The following LUZP2 variants were observed in gnomAD, a reference collection of about 807,000 sequenced individuals.
LUZP2 encodes the protein leucine zipper protein 2.
In LUZP2, 52 loss-of-function variants were observed where a neutral mutation model predicts 51.6. The ratio of observed to expected loss-of-function variants is 1.01; its 90% CI spans 0.81 to 1.27. The LOEUF is 1.27. Ranked by LOEUF, LUZP2 falls within the 50% of genes most tolerant of loss-of-function variation. The pLI, the probability that LUZP2 is intolerant of heterozygous loss-of-function variation, is 0.00. For missense variants in LUZP2, 436 were observed against 395.4 expected (o/e 1.10, Z -0.87); for synonymous variants, 154 against 137.3 (o/e 1.12, Z -0.85).
chr11:24,560,335 A>C (rs973379532), intron 1 of LUZP2, among the ~76,000 whole-genome samples: 1 of 152,204 alleles, frequency 6.6e-6, no homozygotes, highest in African/African-American at 2.4e-5. Flanking sequence ...CTTTTAAAAC[A>C]TATTGTATAA....
chr11:25,035,359 A>G (rs1172113410), intron 9 of LUZP2, among the ~76,000 whole-genome samples: 1 of 152,180 alleles, frequency 6.6e-6, no homozygotes, highest in Non-Finnish European at 1.5e-5. Context: ...AAATCAATGT[A>G]CGAAAATCAG....
Position 24,557,158 on chromosome 11 carries a change from T to A in LUZP2, c.62+59853T>A, listed in dbSNP as rs146174401. 4.5e-3 allele frequency among the ~76,000 whole-genome samples: 671 copies of A among 150,120 alleles called. 5 individuals are homozygous for A. Among genetic ancestry groups the A allele is most frequent in the African/African-American group, 0.015 (604 of 41,374 alleles). On this transcript the variant is annotated intron_variant, in intron 1 of 11. Transcript: ENST00000336930. ...CCATTGTGTTATAGCTGATGACTTGTCTTTATTTGCCTTCACACTGCAGGT... is the reference window on the plus strand; with the variant it reads ...CCATTGTGTTATAGCTGATGACTTGACTTTATTTGCCTTCACACTGCAGGT...
rs575500558 is a variant in LUZP2, at chr11:24,823,802, A to C, written c.396+60494A>C. 2.6e-5 allele frequency among the ~76,000 whole-genome samples: 4 copies of C among 152,214 alleles called. No homozygotes were observed. The East Asian group carries it at 7.7e-4, about 29-fold the overall frequency. ...GGTACGGCCAGGCATGGTGGTTCAC[A>C]CCTGTAATCCGAGCACTTTGGGAGG... is the stretch of plus-strand genomic sequence containing the variant. On this transcript the variant is annotated intron_variant, in intron 5 of 11. Coordinates refer to ENST00000336930, the MANE Select transcript of LUZP2 (RefSeq NM_001009909.4).
intron 7 of LUZP2, among the ~76,000 whole-genome samples, chr11:24,964,728 G>A (rs1329451851): frequency 6.6e-6 from 1 of 151,858 alleles, no homozygotes; most frequent in Admixed American, 6.6e-5. Context: ...ATAGAATTTT[G>A]TCCTTATGAA....
At chr11:24,892,315 T>C (rs1852884547) in intron 5 of LUZP2, 1 of 985,440 alleles carries the variant, frequency 1.0e-6, no homozygotes, top group South Asian at 4.7e-5. Flanking sequence ...GCTGAAGTTC[T>C]CTGTCTGGCC....
intron 1 of LUZP2, among the ~76,000 whole-genome samples, chr11:24,574,216 CTTTCTTTCTTT>C (rs1852542224): frequency 2.4e-5 from 2 of 81,854 alleles, no homozygotes; most frequent in African/African-American, 7.9e-5. Context: ...TCCTTCCTTT[CTTTCTTTCTTT>C]CTTTCTTTCT....
At chr11:24,941,355 G>T (rs1411515886) in intron 7 of LUZP2, among the ~76,000 whole-genome samples, 1 of 151,966 alleles carries the variant, frequency 6.6e-6, no homozygotes, top group African/African-American at 2.4e-5. Flanking sequence ...TCTTTAATGT[G>T]TCCATTTAGA....
intron 1 of LUZP2, among the ~76,000 whole-genome samples, chr11:24,720,760 G>A (rs914655978): frequency 6.6e-6 from 1 of 152,106 alleles, no homozygotes; most frequent in Non-Finnish European, 1.5e-5. Context: ...GTGCAGTGGC[G>A]CGATCTCGGC....
intron 5 of LUZP2, among the ~76,000 whole-genome samples, chr11:24,850,952 A>C (rs1219066247): frequency 6.6e-6 from 1 of 152,170 alleles, no homozygotes; most frequent in Admixed American, 6.5e-5. Flanking sequence ...TGGTTTTTGC[A>C]CATTGACTTT....
intron 5 of LUZP2, chr11:24,890,914 T>TTTTTA: frequency 1.0e-6 from 1 of 964,014 alleles, no homozygotes. Flanking sequence ...TTTTTTTTTT[T>TTTTTA]GCAGGTGATA....
At chr11:24,969,176 A>G (rs1473780388) in intron 7 of LUZP2, among the ~76,000 whole-genome samples, 1 of 152,018 alleles carries the variant, frequency 6.6e-6, no homozygotes, top group Non-Finnish European at 1.5e-5. Context: ...TGCCCACTCA[A>G]GTAGACTCTA....
chr11:24,666,649 T>G (rs1008519138), intron 1 of LUZP2, among the ~76,000 whole-genome samples: 1 of 152,182 alleles, frequency 6.6e-6, no homozygotes, highest in Non-Finnish European at 1.5e-5. Flanking sequence ...AATTGGATCT[T>G]TTTTCTCACC....
intron 5 of LUZP2, among the ~76,000 whole-genome samples, chr11:24,794,778 T>A (rs1322435398): frequency 6.6e-6 from 1 of 152,088 alleles, no homozygotes; most frequent in African/African-American, 2.4e-5. Flanking sequence ...TGAAATGAAG[T>A]GTGGTATTAA....
intron 9 of LUZP2, 66 bp from the exon 10 acceptor site, chr11:25,049,972 T>G: frequency 1.2e-6 from 1 of 844,384 alleles, no homozygotes; most frequent in Non-Finnish European, 1.8e-6. Context: ...TTGGATCTAT[T>G]TGTTCAAACT....
At chr11:24,531,216 T>C (rs189736419) in intron 1 of LUZP2, among the ~76,000 whole-genome samples, 1 of 150,676 alleles carries the variant, frequency 6.6e-6, no homozygotes, top group East Asian at 1.9e-4. Context: ...CTAAACAATG[T>C]ATATTCTGGT....
At chr11:24,589,845 C>T (rs1009290934) in intron 1 of LUZP2, among the ~76,000 whole-genome samples, 1 of 152,110 alleles carries the variant, frequency 6.6e-6, no homozygotes. Context: ...TTCAGCTCAT[C>T]TGATCCCAAA....
chr11:24,735,854 T>C (rs1172819532), intron 3 of LUZP2, among the ~76,000 whole-genome samples: 1 of 151,800 alleles, frequency 6.6e-6, no homozygotes. Context: ...CAAATCTCAG[T>C]TGGTATTGGG....
chr11:24,801,187 A>G (rs140281242), intron 5 of LUZP2, among the ~76,000 whole-genome samples: 1 of 152,238 alleles, frequency 6.6e-6, no homozygotes, highest in East Asian at 1.9e-4. Flanking sequence ...ACGTGCTGAT[A>G]AAAGAATTTC....
intron 5 of LUZP2, among the ~76,000 whole-genome samples, chr11:24,872,041 C>A (rs1251303078): frequency 6.6e-6 from 1 of 152,032 alleles, no homozygotes; most frequent in African/African-American, 2.4e-5. Flanking sequence ...CTGTTTTCAT[C>A]CCCACACCAC....
Sources: gnomAD v4.1 joint callset for allele counts (sites outside exome capture counted in the v4.1 genomes callset) on GRCh38, gnomAD v4.1.1 for gene constraint, MANE v1.5 for transcripts, NCBI Gene and HGNC (gene_info 2026-07-23, HGNC 2026-07-21) for gene names.